PXDN: variants seen among roughly 807,000 people sequenced by gnomAD.
The protein encoded by PXDN is peroxidasin.
In PXDN, 77 loss-of-function variants were observed where a neutral mutation model predicts 140.3. The observed-to-expected ratio is 0.55, with a 90% CI of 0.46 to 0.66. The LOEUF is 0.66. Among genes scored for constraint, PXDN ranks in the 30% least tolerant of loss-of-function variants. PXDN has a pLI of 0.00. For synonymous variants in PXDN, 911 were observed against 857.4 expected (o/e 1.06, Z -1.09); for missense variants, 1,838 against 2,039.5 (o/e 0.90, Z 1.90).
In PXDN at chr2:1,648,080, T is replaced by C. The variant is rs1399334811; in HGVS notation, c.3608+92A>G. On this transcript the variant is annotated intron_variant, in intron 17 of 22. Transcript: ENST00000252804. This position sits in a 1 kb window ranked among gnomAD's most constrained non-coding sequence, Gnocchi z 8.9. ...CACCTCTGCACGACACGAACAAAAC[T>C]CACACACAGAGACAAATAACACACA... 5 of 1,488,106 alleles carry C rather than the reference T, an allele frequency of 3.4e-6. No individual in the cohort carries two copies. The highest frequency in any genetic ancestry group is 4.6e-6 in the Non-Finnish European group (5 of 1,095,600). The allele number at this position is 1,488,106 out of a possible 1,614,324, so 92.2% of individuals were successfully genotyped here.
In PXDN at chr2:1,648,420, C is replaced by G; in HGVS notation, c.3360G>C (p.Gly1120=). ...GCATTTTCCCCGCCACCCCGAACAG[C>G]CCCCTGAGAAGCGGATCGATGCCGC... The part of the protein sequence containing the change: ...NEGGIDPLLR[G]LFGVAGKMRV... The change falls in exon 17 of 23, where the codon GGG becomes GGC. Residue 1120 remains glycine (G), a synonymous_variant. Coordinates refer to ENST00000252804, the MANE Select transcript of PXDN (RefSeq NM_012293.3). The surrounding 1 kb of genome is among the most constrained non-coding windows in gnomAD (Gnocchi z 8.9). The G allele has an allele frequency of 1.9e-6, 3 of 1,611,496 alleles. No homozygotes were observed. The highest frequency in any genetic ancestry group is 2.5e-6 in the Non-Finnish European group (3 of 1,179,870).
intron 1 of PXDN, among the ~76,000 whole-genome samples, chr2:1,725,106 T>C (rs573777640): frequency 6.6e-6 from 1 of 152,264 alleles, no homozygotes; most frequent in East Asian, 1.9e-4. Context: ...CTAATTATTT[T>C]ATTCTTTTTG....
chr2:1,674,588 C>T (rs565711605), intron 8 of PXDN, among the ~76,000 whole-genome samples: 7 of 152,316 alleles, frequency 4.6e-5, no homozygotes, highest in Admixed American at 6.5e-5. Context: ...TTTACCCCAA[C>T]GCTCAGTCCT....
At chr2:1,659,661 A>T (rs932592106) in intron 14 of PXDN, among the ~76,000 whole-genome samples, 5 of 152,212 alleles carry the variant, frequency 3.3e-5, no homozygotes, top group African/African-American at 1.2e-4. Flanking sequence ...CAAAAAACAA[A>T]TATTAATTTT....
At chr2:1,665,124 G>A (rs1217391441) in intron 10 of PXDN, 50 bp from the exon 11 acceptor site, 2 of 1,358,834 alleles carry the variant, frequency 1.5e-6, no homozygotes, top group East Asian at 2.5e-5. Context: ...ACAGCCTGGG[G>A]TAAAAACGCG....
intron 1 of PXDN, among the ~76,000 whole-genome samples, chr2:1,704,785 C>G (rs1409452411): frequency 6.6e-6 from 1 of 152,108 alleles, no homozygotes; most frequent in Non-Finnish European, 1.5e-5. Context: ...ATGCATGTCT[C>G]GGTGAGCAGA....
intron 1 of PXDN, among the ~76,000 whole-genome samples, chr2:1,721,683 C>T (rs534581936): frequency 2.4e-4 from 37 of 152,240 alleles, no homozygotes; most frequent in African/African-American, 8.2e-4. Flanking sequence ...AAAAATTAGC[C>T]GGGCTTGGTG....
chr2:1,692,069 T>C, intron 2 of PXDN, 70 bp from the exon 3 acceptor site: 1 of 1,138,928 alleles, frequency 8.8e-7, no homozygotes, highest in African/African-American at 1.6e-5. Context: ...GTTAAAACAT[T>C]CCGACAGCCT....
chr2:1,657,074 C>T (rs1176824092), intron 14 of PXDN, among the ~76,000 whole-genome samples: 1 of 151,246 alleles, frequency 6.6e-6, no homozygotes, highest in Non-Finnish European at 1.5e-5. Flanking sequence ...AACTTGGCCC[C>T]TCCTGGCTGG....
chr2:1,736,975 A>G (rs1449337159), intron 1 of PXDN, among the ~76,000 whole-genome samples: 1 of 152,238 alleles, frequency 6.6e-6, no homozygotes, highest in East Asian at 1.9e-4. Context: ...TAAAGCCTCC[A>G]AAGCTCTGCA....
chr2:1,673,915 G>T, intron 8 of PXDN, 103 bp from the exon 9 acceptor site: 1 of 1,304,812 alleles, frequency 7.7e-7, no homozygotes. Flanking sequence ...GGCACAACTT[G>T]TGCGAGGAAC....
chr2:1,632,208 C>G lies in PXDN; in HGVS notation c.*1996G>C, dbSNP rs1010211155. 1 of 152,154 alleles carries G rather than the reference C, an allele frequency of 6.6e-6. No individual in the cohort carries two copies. Among genetic ancestry groups the G allele is most frequent in the Non-Finnish European group, 1.5e-5 (1 of 68,034 alleles). 9.4% of individuals were successfully genotyped at this position (152,154 alleles called of 1,614,324 possible). A position where few individuals can be genotyped will look rare whatever the true frequency, so the allele number is the denominator to read the frequency against. On this transcript the variant is annotated 3_prime_UTR_variant, in exon 23 of 23. Transcript: ENST00000252804. This position sits in a 1 kb window ranked among gnomAD's most constrained non-coding sequence, Gnocchi z 4.3. ...GCTTCCCCCTTTGGCTTAGACAACA[C>G]AATTCCTTGTGACTGGCCCAGACCG...
chr2:1,643,405 G>C lies in PXDN; in HGVS notation c.3915C>G (p.Pro1305=). ...CCTGCCACACCCGGAGGTCTACCCT[G>C]GGGATCTCGTCACAGCTGCCGTAGC... The part of the protein sequence containing the change: ...PHGYGSCDEI[P]RVDLRVWQDC... The change falls in exon 19 of 23, where the codon CCC becomes CCG. Residue 1305 remains proline (P), a synonymous_variant. Coordinates refer to ENST00000252804, the MANE Select transcript of PXDN (RefSeq NM_012293.3). The C allele has an allele frequency of 6.2e-7, 1 of 1,613,838 alleles. No individual in the cohort carries two copies. Among genetic ancestry groups the C allele is most frequent in the Non-Finnish European group, 8.5e-7 (1 of 1,179,832 alleles).
chr2:1,652,666 T>C (rs909886276), intron 16 of PXDN, among the ~76,000 whole-genome samples: 1 of 150,958 alleles, frequency 6.6e-6, no homozygotes, highest in African/African-American at 2.4e-5. Flanking sequence ...CAGCTTCACA[T>C]TGGCTGGTGC....
At chr2:1,653,358 C>G in intron 16 of PXDN, 1 of 474,144 alleles carries the variant, frequency 2.1e-6, no homozygotes, top group Non-Finnish European at 4.0e-6. Flanking sequence ...GCCAGGATGG[C>G]ATAACCCACT....
chr2:1,738,271 G>A (rs4853841), intron 1 of PXDN, among the ~76,000 whole-genome samples: 109,717 of 152,156 alleles, frequency 0.72, 39,882 homozygotes, highest in East Asian at 0.95. Flanking sequence ...GAGAGCTCAC[G>A]TGTTGGTCAC....
At position 1,639,293 on chromosome 2, in the gene PXDN, C is replaced by T. The variant is rs1215682735; in HGVS notation, c.4073+9G>A. 3 of 1,610,208 alleles carry T rather than the reference C, an allele frequency of 1.9e-6. No homozygotes were observed. The highest frequency in any genetic ancestry group is 1.7e-4 in the Middle Eastern group (1 of 6,012). ...TCTGCACATCATTTGACCTCAGAGA[C>T]CACCATACCTGGGTATTTTCCGTGG... is the stretch of plus-strand genomic sequence containing the variant. On this transcript the variant is annotated intron_variant, in intron 20 of 22. Transcript: ENST00000252804. The surrounding 1 kb of genome is among the most constrained non-coding windows in gnomAD (Gnocchi z 5.0).
chr2:1,741,345 G>A (rs1041115181), intron 1 of PXDN, among the ~76,000 whole-genome samples: 2 of 152,156 alleles, frequency 1.3e-5, no homozygotes, highest in African/African-American at 4.8e-5. Flanking sequence ...TTTCTACACA[G>A]CTGAACTAAG....
rs147695468 is a variant in PXDN, at chr2:1,648,642, C to A, written c.3138G>T (p.Thr1046=). The change falls in exon 17 of 23, where the codon ACG becomes ACT. Residue 1046 remains threonine (T), a synonymous_variant. Transcript: ENST00000252804. The surrounding 1 kb of genome is among the most constrained non-coding windows in gnomAD (Gnocchi z 8.9). ...GGTCGTAGCCGTGGTACTCTCCCAG[C>A]GTCCTCATGCCCACCTCCCCCAGGA... The part of the protein sequence containing the change: ...PKILGEVGMR[T]LGEYHGYDPG... The A allele has an allele frequency of 3.1e-6, 5 of 1,610,710 alleles. No homozygotes were observed. Among genetic ancestry groups the A allele is most frequent in the East Asian group, 2.2e-5 (1 of 44,746 alleles).
Sources: allele counts gnomAD v4.1 joint callset (sites outside exome capture counted in the v4.1 genomes callset), GRCh38; gene constraint gnomAD v4.1.1; non-coding constraint Gnocchi (gnomAD v3.1); transcripts MANE v1.5; gene names NCBI Gene and HGNC (gene_info 2026-07-23, HGNC 2026-07-21).